The following LAT2 variants were observed in gnomAD, a reference collection of about 807,000 sequenced individuals.
LAT2 encodes linker for activation of T cells family member 2, also known as linker for activation of T-cells family member 2.
Under a neutral mutation model 43.4 loss-of-function variants are expected in LAT2, and 23 were observed. That is an observed-to-expected ratio of 0.53 (90% CI 0.38 to 0.75). LAT2 has a LOEUF of 0.75. Among genes scored for constraint, LAT2 ranks in the 30% least tolerant of loss-of-function variants. LAT2 has a pLI of 0.00. For synonymous variants in LAT2, 128 were observed against 123.2 expected, an observed-to-expected ratio of 1.04 and a Z score of -0.26; for missense variants, 284 against 310.2, an observed-to-expected ratio of 0.92 and a Z score of 0.64.
rs1229910492 is a variant in LAT2 at position 74,214,241 on chromosome 7, AAT to A, written c.-218-571_-218-570del. 1.9e-4 allele frequency among the ~76,000 whole-genome samples: 13 copies of A among 69,654 alleles called. No homozygotes were observed. In the South Asian group the frequency reaches 2.5e-3, roughly 13 times the overall value. 45.7% of individuals were successfully genotyped at this position (69,654 alleles called of 152,430 possible). ...ATATATATATGAAAATATATATGAA[AAT>A]ATATATATAAATATATATATATGAA... On this transcript the variant is annotated intron_variant, in intron 1 of 13. Transcript: ENST00000460943.
chr7:74,221,801 C>A, intron 10 of LAT2, 109 bp downstream of exon 10: 2 of 921,140 alleles, frequency 2.2e-6, no homozygotes, highest in Non-Finnish European at 3.3e-6. Flanking sequence ...GGTAAATCGG[C>A]AGAGCCGGTT....
intron 4 of LAT2, among the ~76,000 whole-genome samples, chr7:74,218,260 G>A (rs549194331): frequency 1.1e-4 from 16 of 152,278 alleles, no homozygotes; most frequent in African/African-American, 3.4e-4. Context: ...TTCCTCTGTT[G>A]CTTCTCCCAG....
intron 13 of LAT2, among the ~76,000 whole-genome samples, chr7:74,227,777 C>A (rs181673805): frequency 6.6e-6 from 1 of 151,766 alleles, no homozygotes; most frequent in Non-Finnish European, 1.5e-5. Context: ...GAGGTTGAGG[C>A]GGGAGGATAG....
rs561330938 is a variant in LAT2, at chr7:74,220,525, C to A, written c.266-59C>A. 9 of 1,607,656 alleles carry A rather than the reference C, an allele frequency of 5.6e-6. No individual in the cohort carries two copies. The highest frequency in any genetic ancestry group is 4.5e-5 in the East Asian group (2 of 44,806). ...TGGCCCTGCCTTGGGCTGCAGCACC[C>A]GAGCTGGGTGCAAAGCAGGGGCCAG... On this transcript the variant is annotated intron_variant, in intron 7 of 13. Transcript: ENST00000460943. This position sits in a 1 kb window ranked among gnomAD's most constrained non-coding sequence, Gnocchi z 4.5.
intron 2 of LAT2, among the ~76,000 whole-genome samples, chr7:74,215,446 G>A (rs1207559966): frequency 6.6e-6 from 1 of 152,186 alleles, no homozygotes; most frequent in East Asian, 1.9e-4. Flanking sequence ...GTGCGTCTGC[G>A]TGAGTGGTGG....
Position 74,229,139 on chromosome 7 carries a change from C to A in LAT2, c.*214C>A, listed in dbSNP as rs1408843751. 1 of 152,260 alleles carries A rather than the reference C, an allele frequency of 6.6e-6. No individual in the cohort carries two copies. The highest frequency in any genetic ancestry group is 1.5e-5 in the Non-Finnish European group (1 of 68,088). 9.4% of individuals were successfully genotyped at this position (152,260 alleles called of 1,614,324 possible). ...ACTCACGGGAGCTGCAGGCCCGTCA[C>A]CAAGCCCTCTCCCGACCCAGGCTTT... On this transcript the variant is annotated 3_prime_UTR_variant, in exon 14 of 14. Transcript: ENST00000460943.
In LAT2 at chr7:74,220,711, A is replaced by G; in HGVS notation, c.309A>G (p.Arg103=). The part of the protein sequence containing the change: ...SRYQNFSKGS[R]HGSEEAYIDP... ...TCTCGCCTCCTCCCGCAGGAAGCAG[A>G]CACGGGTCGGAGGAAGCCTACATGT... is the stretch of plus-strand genomic sequence containing the variant. Residue 103 remains arginine, a synonymous_variant, in exon 9 of 14, where the codon AGA becomes AGG. Transcript: ENST00000460943. The surrounding 1 kb of genome is among the most constrained non-coding windows in gnomAD (Gnocchi z 4.5). 1 of 1,607,638 alleles carries G rather than the reference A, an allele frequency of 6.2e-7. No individual in the cohort carries two copies. The highest frequency in any genetic ancestry group is 8.5e-7 in the Non-Finnish European group (1 of 1,174,994).
Position 74,219,987 on chromosome 7 carries a change from T to G in LAT2, c.206T>G (p.Leu69Arg), listed in dbSNP as rs782464065. ...GTCGGGCAGGCATGGCCAGGACCCCTGGCGGACATGGCACCCACAAGGTAG... is the reference window on the plus strand; with the variant it reads ...GTCGGGCAGGCATGGCCAGGACCCCGGGCGGACATGGCACCCACAAGGTAG... ...SLVGQAWPGP[L>R]ADMAPTRKDK... Residue 69 changes from leucine (L) to arginine (R), a missense_variant, in exon 6 of 14, where the codon CTG becomes CGG. By Grantham distance (102) the Leu-to-Arg change is moderately radical (BLOSUM62 -2). Transcript: ENST00000460943. 1.2e-6 allele frequency: 2 copies of G among 1,613,632 alleles called. No individual in the cohort carries two copies. The highest frequency in any genetic ancestry group is 1.7e-5 in the Admixed American group (1 of 60,018).
Position 74,229,697 on chromosome 7 carries a change from G to C in LAT2, c.*772G>C, listed in dbSNP as rs1434037143. 1 of 152,318 alleles carries C rather than the reference G, an allele frequency of 6.6e-6. No homozygotes were observed. Among genetic ancestry groups the C allele is most frequent in the African/African-American group, 2.4e-5 (1 of 41,456 alleles). The allele number at this position is 152,318 out of a possible 1,614,324, so 9.4% of individuals were successfully genotyped here. On this transcript the variant is annotated 3_prime_UTR_variant, in exon 14 of 14. Coordinates refer to ENST00000460943, the MANE Select transcript of LAT2 (RefSeq NM_032464.3). ...CTCCTCTGCTCCAGGGCTGGCCTCT[G>C]CAGAGCTGATTAAACAGTGTTGTGA...
At chr7:74,224,873 G>A (rs1802429587) in intron 13 of LAT2, 113 bp downstream of exon 13, 4 of 771,776 alleles carry the variant, frequency 5.2e-6, no homozygotes, top group Non-Finnish European at 8.2e-6. Context: ...GCCATGGTGG[G>A]GGCTACAGGG....
Position 74,220,372 on chromosome 7 carries a change from C to A in LAT2, c.265+118C>A. Reference sequence around the variant, plus strand: ...GCTGCGGGGCCAGGCGAGGCCTCCCCAGGAGAGACACACAGGCTGGGGCAG... The same window carrying A: ...GCTGCGGGGCCAGGCGAGGCCTCCCAAGGAGAGACACACAGGCTGGGGCAG... On this transcript the variant is annotated intron_variant, in intron 7 of 13. Coordinates refer to ENST00000460943, the MANE Select transcript of LAT2 (RefSeq NM_032464.3). The surrounding 1 kb of genome is among the most constrained non-coding windows in gnomAD (Gnocchi z 4.5). 1 of 1,314,004 alleles carries A rather than the reference C, an allele frequency of 7.6e-7. No individual in the cohort carries two copies. The highest frequency in any genetic ancestry group is 2.3e-5 in the East Asian group (1 of 42,926). The allele number at this position is 1,314,004 out of a possible 1,614,324, so 81.4% of individuals were successfully genotyped here.
At position 74,220,728 on chromosome 7, in the gene LAT2, C is replaced by T. The variant is rs1554715089; in HGVS notation, c.326C>T (p.Ala109Val). The part of the protein sequence containing the change: ...SKGSRHGSEE[A>V]YIDPIAMEYY... ...GGAAGCAGACACGGGTCGGAGGAAG[C>T]CTACATGTGAGTGACCTTGATCCTG... Residue 109 changes from alanine to valine, a missense_variant, in exon 9 of 14, where the codon GCC becomes GTC. Coordinates refer to ENST00000460943, the MANE Select transcript of LAT2 (RefSeq NM_032464.3). The surrounding 1 kb of genome is among the most constrained non-coding windows in gnomAD (Gnocchi z 4.5). 2 of 1,596,236 alleles carry T rather than the reference C, an allele frequency of 1.3e-6. No homozygotes were observed. Among genetic ancestry groups the T allele is most frequent in the African/African-American group, 1.3e-5 (1 of 74,674 alleles).
chr7:74,217,642 C>T (rs1352712216), intron 4 of LAT2, among the ~76,000 whole-genome samples: 4 of 152,074 alleles, frequency 2.6e-5, no homozygotes, highest in East Asian at 1.9e-4. Context: ...GCAAGTCCCT[C>T]GGGGGACCAG....
intron 10 of LAT2, among the ~76,000 whole-genome samples, chr7:74,221,983 C>T (rs1040651409): frequency 2.0e-5 from 3 of 151,908 alleles, no homozygotes; most frequent in Non-Finnish European, 4.4e-5. Context: ...TCCTTGTCAA[C>T]GAGGACTGAG....
rs1554715639 is a variant in LAT2 at position 74,223,731 on chromosome 7, T to C, written c.396T>C (p.Asp132=). 3 of 1,613,980 alleles carry C rather than the reference T, an allele frequency of 1.9e-6. No homozygotes were observed. The highest frequency in any genetic ancestry group is 1.7e-5 in the Admixed American group (1 of 59,996). ...GRFSKPPEDD[D]ANSYENVLIC... is the part of the protein sequence containing the mutation. Reference sequence around the variant, plus strand: ...CTCCTCTCTCTCCTGCAGATGATGATGCCAATTCCTACGAGAATGTGCTCA... The same window carrying C: ...CTCCTCTCTCTCCTGCAGATGATGACGCCAATTCCTACGAGAATGTGCTCA... Residue 132 remains aspartate, a synonymous_variant, in exon 11 of 14, where the codon GAT becomes GAC. Coordinates refer to ENST00000460943, the MANE Select transcript of LAT2 (RefSeq NM_032464.3).
At chr7:74,211,513 A>T (rs1198037252) in intron 1 of LAT2, among the ~76,000 whole-genome samples, 1 of 151,736 alleles carries the variant, frequency 6.6e-6, no homozygotes, top group Non-Finnish European at 1.5e-5. Flanking sequence ...CTGGGAGTGC[A>T]GTGGTGCAAT....
intron 13 of LAT2, among the ~76,000 whole-genome samples, chr7:74,227,055 CTTT>C (rs35992128): frequency 1.3e-4 from 17 of 133,846 alleles, no homozygotes; most frequent in African/African-American, 2.8e-4. Flanking sequence ...GTTGTTTTTT[CTTT>C]TTTTTTTTTT....
At position 74,219,800 on chromosome 7, in the gene LAT2, G is replaced by C. The variant is rs782528636; in HGVS notation, c.178+13G>C. On this transcript the variant is annotated intron_variant, in intron 5 of 13. Coordinates refer to ENST00000460943, the MANE Select transcript of LAT2 (RefSeq NM_032464.3). ...CGGACCTACTCCTGTGAGTCTCCAA[G>C]TGTCCCCGGGTTGGGCTCTGGGTTG... 1 of 1,614,064 alleles carries C rather than the reference G, an allele frequency of 6.2e-7. No homozygotes were observed. Among genetic ancestry groups the C allele is most frequent in the Non-Finnish European group, 8.5e-7 (1 of 1,180,012 alleles).
Position 74,220,432 on chromosome 7 carries a change from G to T in LAT2, c.266-152G>T, listed in dbSNP as rs545990992. 8.2e-6 allele frequency: 10 copies of T among 1,216,486 alleles called. No individual in the cohort carries two copies. Among genetic ancestry groups the T allele is most frequent in the Non-Finnish European group, 1.2e-6 (1 of 844,052 alleles). The allele number at this position is 1,216,486 out of a possible 1,614,324, so 75.4% of individuals were successfully genotyped here. A position where few individuals can be genotyped will look rare whatever the true frequency, so the allele number is the denominator to read the frequency against. ...CTGGAATCGGCCTGGCAGGGGGAGGGTGCACACTCGCACATGCCCCACTGA... is the reference window on the plus strand; with the variant it reads ...CTGGAATCGGCCTGGCAGGGGGAGGTTGCACACTCGCACATGCCCCACTGA... On this transcript the variant is annotated intron_variant, in intron 7 of 13. Coordinates refer to ENST00000460943, the MANE Select transcript of LAT2 (RefSeq NM_032464.3). This position sits in a 1 kb window ranked among gnomAD's most constrained non-coding sequence, Gnocchi z 4.5.
Sources: allele counts gnomAD v4.1 joint callset (sites outside exome capture counted in the v4.1 genomes callset), GRCh38; gene constraint gnomAD v4.1.1; non-coding constraint Gnocchi (gnomAD v3.1); transcripts MANE v1.5; gene names NCBI Gene and HGNC (gene_info 2026-07-23, HGNC 2026-07-21).